SAMD3: variants seen among roughly 807,000 people sequenced by gnomAD.
The protein encoded by SAMD3 is sterile alpha motif domain-containing protein 3.
In SAMD3, 63 loss-of-function variants were observed where a neutral mutation model predicts 58.5. That is an observed-to-expected ratio of 1.08 (90% CI 0.88 to 1.33). The LOEUF is 1.33. Ranked by LOEUF, SAMD3 falls within the 40% of genes most tolerant of loss-of-function variation. The pLI is 0.00. For synonymous variants in SAMD3, 220 were observed against 210.3 expected (o/e 1.05, Z -0.40); for missense variants, 604 against 608.4 (o/e 0.99, Z 0.08).
chr6:130,229,184 GC>G (rs1390745182), intron 2 of SAMD3, among the ~76,000 whole-genome samples: 1 of 152,234 alleles, frequency 6.6e-6, no homozygotes, highest in Non-Finnish European at 1.5e-5. Context: ...AATTTCTCGT[GC>G]CCAAGCATGG....
intron 2 of SAMD3, among the ~76,000 whole-genome samples, chr6:130,277,053 A>G (rs1774800170): frequency 6.6e-6 from 1 of 152,222 alleles, no homozygotes; most frequent in African/African-American, 2.4e-5. Context: ...TATCTATAAA[A>G]GCAATTGAGA....
At chr6:130,341,266 G>T (rs1777263186) in intron 1 of SAMD3, among the ~76,000 whole-genome samples, 1 of 152,180 alleles carries the variant, frequency 6.6e-6, no homozygotes, top group South Asian at 2.1e-4. Flanking sequence ...GAATCCTTCA[G>T]CTGACTGATG....
At chr6:130,352,541 A>G (rs770693222) in intron 1 of SAMD3, among the ~76,000 whole-genome samples, 2 of 152,158 alleles carry the variant, frequency 1.3e-5, no homozygotes, top group Admixed American at 6.6e-5. Context: ...TGATCCACAC[A>G]TCTAAGTGCT....
chr6:130,242,133 T>G (rs1363270968), intron 2 of SAMD3, among the ~76,000 whole-genome samples: 1 of 152,226 alleles, frequency 6.6e-6, no homozygotes, highest in Non-Finnish European at 1.5e-5. Flanking sequence ...TTATGATTCT[T>G]TAGCTACTCA....
At chr6:130,260,753 G>T (rs985033064) in intron 2 of SAMD3, among the ~76,000 whole-genome samples, 3 of 152,238 alleles carry the variant, frequency 2.0e-5, no homozygotes, top group African/African-American at 7.2e-5. Context: ...GCACTCCCGG[G>T]TAGGCATTTG....
At chr6:130,203,183 A>G (rs908745824) in intron 5 of SAMD3, among the ~76,000 whole-genome samples, 4 of 152,116 alleles carry the variant, frequency 2.6e-5, no homozygotes, top group African/African-American at 9.7e-5. Flanking sequence ...TCGAGAGCAG[A>G]ATTTTTTCAA....
At chr6:130,202,427 G>A (rs990590373) in intron 5 of SAMD3, among the ~76,000 whole-genome samples, 2 of 152,168 alleles carry the variant, frequency 1.3e-5, no homozygotes, top group Admixed American at 6.5e-5. Flanking sequence ...ATTAGAAGGT[G>A]AGCTCTGCAA....
At chr6:130,275,472 A>T (rs955302976) in intron 2 of SAMD3, among the ~76,000 whole-genome samples, 1 of 152,178 alleles carries the variant, frequency 6.6e-6, no homozygotes, top group African/African-American at 2.4e-5. Flanking sequence ...GGGCTGAATT[A>T]CACTGAACTT....
chr6:130,313,653 G>C (rs749373941), intron 1 of SAMD3, among the ~76,000 whole-genome samples: 1 of 152,174 alleles, frequency 6.6e-6, no homozygotes, highest in African/African-American at 2.4e-5. Flanking sequence ...CTCTCCAAAG[G>C]TAAATCTGTT....
intron 1 of SAMD3, among the ~76,000 whole-genome samples, chr6:130,339,029 C>T (rs957747754): frequency 6.6e-6 from 1 of 151,998 alleles, no homozygotes; most frequent in Admixed American, 6.6e-5. Flanking sequence ...TGTGTCCCTA[C>T]CCAAATCTCA....
chr6:130,183,235 T>G (rs1281695700), intron 7 of SAMD3: 4 of 400,598 alleles, frequency 1.0e-5, no homozygotes, highest in Non-Finnish European at 1.9e-5. Context: ...AGCTTAGAAC[T>G]GCTGCCCCAG....
At chr6:130,359,005 C>A (rs997833764) in intron 1 of SAMD3, among the ~76,000 whole-genome samples, 1 of 152,132 alleles carries the variant, frequency 6.6e-6, no homozygotes, top group Non-Finnish European at 1.5e-5. Flanking sequence ...CATCAGACTG[C>A]GTGGGCTCAT....
intron 2 of SAMD3, among the ~76,000 whole-genome samples, chr6:130,234,041 A>G (rs1484701656): frequency 2.0e-5 from 3 of 152,182 alleles, no homozygotes; most frequent in Non-Finnish European, 4.4e-5. Flanking sequence ...AAATTGCCAA[A>G]CTGCCCTCCA....
intron 5 of SAMD3, among the ~76,000 whole-genome samples, chr6:130,194,011 G>A (rs1482050576): frequency 6.6e-6 from 1 of 151,880 alleles, no homozygotes; most frequent in Non-Finnish European, 1.5e-5. Context: ...TCCCCAGGCT[G>A]CTTCTCGCCA....
At chr6:130,265,387 C>T (rs1450461703) in intron 2 of SAMD3, among the ~76,000 whole-genome samples, 1 of 152,164 alleles carries the variant, frequency 6.6e-6, no homozygotes, top group Non-Finnish European at 1.5e-5. Flanking sequence ...CACCTGGAAG[C>T]TGACTGGTCC....
intron 2 of SAMD3, among the ~76,000 whole-genome samples, chr6:130,279,142 G>A (rs1332170756): frequency 6.6e-6 from 1 of 152,110 alleles, no homozygotes; most frequent in East Asian, 1.9e-4. Context: ...ATTATTATAA[G>A]ATTATAGAAT....
At chr6:130,195,412 T>C (rs989018556) in intron 5 of SAMD3, among the ~76,000 whole-genome samples, 1 of 152,124 alleles carries the variant, frequency 6.6e-6, no homozygotes, top group Non-Finnish European at 1.5e-5. Context: ...CTATAAACTC[T>C]CCTTACAATT....
chr6:130,236,231 C>T (rs762727754), intron 2 of SAMD3, among the ~76,000 whole-genome samples: 11 of 152,072 alleles, frequency 7.2e-5, no homozygotes, highest in African/African-American at 1.7e-4. Flanking sequence ...TGATTAAATA[C>T]GGTGGATTAC....
chr6:130,335,543 T>G (rs1777072895), intron 1 of SAMD3, among the ~76,000 whole-genome samples: 1 of 152,214 alleles, frequency 6.6e-6, no homozygotes, highest in Non-Finnish European at 1.5e-5. Context: ...AAGCCAACAT[T>G]ATCAAACACA....
Sources: gnomAD v4.1 joint callset for allele counts (sites outside exome capture counted in the v4.1 genomes callset) on GRCh38, gnomAD v4.1.1 for gene constraint, MANE v1.5 for transcripts, NCBI Gene and HGNC (gene_info 2026-07-23, HGNC 2026-07-21) for gene names.